Variants in ADAM32 observed in about 807,000 individuals in gnomAD.
ADAM32 encodes the protein disintegrin and metalloproteinase domain-containing protein 32.
A neutral mutation model predicts 114.9 loss-of-function variants in ADAM32; 89 were observed. That is an observed-to-expected ratio of 0.77 (90% CI 0.65 to 0.92). The LOEUF is 0.92. ADAM32 is among the 40% of genes least tolerant of loss of function. ADAM32 has a pLI of 0.00. For synonymous variants in ADAM32, 285 were observed against 307.5 expected, an observed-to-expected ratio of 0.93 and a Z score of 0.77; for missense variants, 870 against 932.8, an observed-to-expected ratio of 0.93 and a Z score of 0.88.
At chr8:39,173,867 C>T (rs1805347908) in intron 10 of ADAM32, among the ~76,000 whole-genome samples, 1 of 152,144 alleles carries the variant, frequency 6.6e-6, no homozygotes, top group African/African-American at 2.4e-5. Context: ...CTCTGTAGCC[C>T]AGGCTGGAGT....
chr8:39,231,980 A>G (rs1464188945), intron 14 of ADAM32, 47 bp from the exon 15 acceptor site: 3 of 1,448,870 alleles, frequency 2.1e-6, no homozygotes, highest in South Asian at 1.2e-5. Flanking sequence ...GAGGAAGATG[A>G]AAAACCAATA....
intron 4 of ADAM32, among the ~76,000 whole-genome samples, chr8:39,147,755 TTTTA>T (rs1342235905): frequency 6.6e-6 from 1 of 152,068 alleles, no homozygotes; most frequent in African/African-American, 2.4e-5. Context: ...CATCCCTTCA[TTTTA>T]TTTATTTATC....
upstream of ADAM32, chr8:39,107,546 C>T (rs1839974433): frequency 7.9e-7 from 1 of 1,273,830 alleles, no homozygotes; most frequent in Admixed American, 3.2e-5. Flanking sequence ...CCAGCAACCA[C>T]GCGGCTGGGG....
At position 39,232,014 on chromosome 8, in the gene ADAM32, C is replaced by A. The variant is rs1306888842; in HGVS notation, c.1526-13C>A. The A allele has an allele frequency of 1.3e-6, 2 of 1,585,528 alleles. No individual in the cohort carries two copies. The highest frequency in any genetic ancestry group is 2.3e-5 in the South Asian group (2 of 88,432). On this transcript the variant is annotated splice_polypyrimidine_tract_variant and intron_variant, in intron 14 of 24. Coordinates refer to ENST00000379907, the MANE Select transcript of ADAM32 (RefSeq NM_145004.7). ...TAAACATTTTAATCCAAATGTATTT[C>A]TAACTTTAACAGGTTCAAGAAATGC...
chr8:39,246,223 CA>C, intron 17 of ADAM32, 57 bp downstream of exon 17: 1 of 1,510,026 alleles, frequency 6.6e-7, no homozygotes, highest in Non-Finnish European at 9.1e-7. Flanking sequence ...TTGCATCACT[CA>C]TTAATTTACT....
chr8:39,223,248 T>C lies in ADAM32; in HGVS notation c.1525+10T>C, dbSNP rs1010690547. The stretch of plus-strand genomic sequence containing the variant: ...AGTGTATTTGGAAAAGGTAATATCT[T>C]TTTGTTACATCTCAATAGCCCTTAA... On this transcript the variant is annotated intron_variant, in intron 14 of 24. Coordinates refer to ENST00000379907, the MANE Select transcript of ADAM32 (RefSeq NM_145004.7). The C allele has an allele frequency of 6.5e-7, 1 of 1,547,546 alleles. No homozygotes were observed. Among genetic ancestry groups the C allele is most frequent in the African/African-American group, 1.4e-5 (1 of 73,032 alleles).
chr8:39,171,163 T>C (rs1322889185), intron 10 of ADAM32, among the ~76,000 whole-genome samples: 1 of 152,170 alleles, frequency 6.6e-6, no homozygotes, highest in African/African-American at 2.4e-5. Flanking sequence ...CTCAAACTCC[T>C]GGCCTAAAGT....
Position 39,275,885 on chromosome 8 carries a change from A to AT in ADAM32, c.2279+27dup, listed in dbSNP as rs34870154. Reference sequence around the variant, plus strand: ...CTAGCAAGTAAGTGAATTAGGGGGCATTTTTTTTATATAATAAGTATATGT... The same window carrying AT: ...CTAGCAAGTAAGTGAATTAGGGGGCATTTTTTTTTATATAATAAGTATATGT... On this transcript the variant is annotated intron_variant, in intron 22 of 24. Transcript: ENST00000379907. 2.8e-5 allele frequency: 43 copies of AT among 1,535,598 alleles called. No individual in the cohort carries two copies. Among genetic ancestry groups the AT allele is most frequent in the African/African-American group, 8.3e-5 (6 of 71,938 alleles).
intron 15 of ADAM32, 74 bp from the exon 16 acceptor site, chr8:39,233,825 A>G (rs1364197488): frequency 4.8e-6 from 5 of 1,051,608 alleles, no homozygotes; most frequent in Non-Finnish European, 6.3e-6. Context: ...TTTTTGCATC[A>G]CAGAAAGCAA....
intron 15 of ADAM32, among the ~76,000 whole-genome samples, chr8:39,233,478 G>C (rs1228321333): frequency 6.6e-6 from 1 of 152,082 alleles, no homozygotes; most frequent in African/African-American, 2.4e-5. Flanking sequence ...GATGACCAGA[G>C]GTCACTTTCA....
chr8:39,274,377 G>C (rs1331424323), intron 21 of ADAM32, 27 bp downstream of exon 21: 1 of 1,598,906 alleles, frequency 6.3e-7, no homozygotes, highest in Non-Finnish European at 8.5e-7. Context: ...AGGTTTTTAA[G>C]ATACATGTTG....
At chr8:39,198,306 G>A (rs1451026821) in intron 11 of ADAM32, among the ~76,000 whole-genome samples, 4 of 151,962 alleles carry the variant, frequency 2.6e-5, no homozygotes, top group Non-Finnish European at 5.9e-5. Flanking sequence ...ATTTGATATT[G>A]TTATTAATAA....
chr8:39,281,116 T>A lies in ADAM32; in HGVS notation c.2280-20T>A. 1 of 1,244,638 alleles carries A rather than the reference T, an allele frequency of 8.0e-7. No homozygotes were observed. Among genetic ancestry groups the A allele is most frequent in the South Asian group, 2.2e-5 (1 of 45,786 alleles). The allele number at this position is 1,244,638 out of a possible 1,614,324, so 77.1% of individuals were successfully genotyped here. A position where few individuals can be genotyped will look rare whatever the true frequency, so the allele number is the denominator to read the frequency against. On this transcript the variant is annotated intron_variant, in intron 22 of 24. Transcript: ENST00000379907. ...TTAATAATAGATATTTAATATATAT[T>A]GTTTTTAATTTATTTTTAGATCCAA...
intron 17 of ADAM32, among the ~76,000 whole-genome samples, chr8:39,253,892 G>T (rs1466951746): frequency 6.6e-6 from 1 of 150,860 alleles, no homozygotes; most frequent in Non-Finnish European, 1.5e-5. Flanking sequence ...ATTTTTCAAA[G>T]AAATAGAAAA....
chr8:39,264,725 C>T (rs1410322199), intron 19 of ADAM32, among the ~76,000 whole-genome samples: 3 of 152,160 alleles, frequency 2.0e-5, no homozygotes, highest in African/African-American at 7.2e-5. Context: ...TTAGCTGTGT[C>T]CCAGAGTTTC....
Position 39,165,120 on chromosome 8 carries a change from G to T in ADAM32, c.757G>T (p.Glu253Ter). 6.2e-7 allele frequency: 1 copy of T among 1,607,874 alleles called. No homozygotes were observed. Among genetic ancestry groups the T allele is most frequent in the South Asian group, 1.1e-5 (1 of 90,620 alleles). Reference sequence around the variant, plus strand: ...GATTTCTACAGTTGGTGAGGCAGATGAATTATTGCAAAAATTTTTAGAATG... The same window carrying T: ...GATTTCTACAGTTGGTGAGGCAGATTAATTATTGCAAAAATTTTTAGAATG... ...NKISTVGEAD[E>*]LLQKFLEWKQ... The change falls in exon 9 of 25, where the codon GAA (glutamate) becomes TAA (stop). Residue 253 changes from glutamate (E) to a stop codon, truncating the protein, a stop_gained. Coordinates refer to ENST00000379907, the MANE Select transcript of ADAM32 (RefSeq NM_145004.7). LOFTEE classifies it high-confidence loss of function.
At chr8:39,237,962 G>A (rs945013789) in intron 16 of ADAM32, among the ~76,000 whole-genome samples, 9 of 152,166 alleles carry the variant, frequency 5.9e-5, no homozygotes, top group Admixed American at 5.2e-4. Context: ...CTTGGCTGGA[G>A]GCCAGCCAAC....
intron 2 of ADAM32, among the ~76,000 whole-genome samples, chr8:39,120,480 G>A (rs1475163231): frequency 6.6e-6 from 1 of 152,088 alleles, no homozygotes; most frequent in East Asian, 1.9e-4. Flanking sequence ...GGTGTTCCTG[G>A]GCCGGGCACG....
At chr8:39,163,748 T>C (rs774044389) in intron 7 of ADAM32, among the ~76,000 whole-genome samples, 3 of 152,218 alleles carry the variant, frequency 2.0e-5, no homozygotes, top group Non-Finnish European at 2.9e-5. Context: ...TGTTAGATAA[T>C]AATACCATTC....
Sources: gnomAD v4.1 joint callset for allele counts (sites outside exome capture counted in the v4.1 genomes callset) on GRCh38, gnomAD v4.1.1 for gene constraint, MANE v1.5 for transcripts, NCBI Gene and HGNC (gene_info 2026-07-23, HGNC 2026-07-21) for gene names.